ANKS1B: variants seen among roughly 807,000 people sequenced by gnomAD.
The protein encoded by ANKS1B is ankyrin repeat and sterile alpha motif domain-containing protein 1B.
In ANKS1B, 36 loss-of-function variants were observed where a neutral mutation model predicts 148.3. The observed-to-expected ratio is 0.24, with a 90% CI of 0.19 to 0.32. The LOEUF (loss-of-function observed/expected upper bound fraction) is 0.32, where lower values mean the gene tolerates loss of function less well. ANKS1B is among the 10% of genes least tolerant of loss of function. ANKS1B has a pLI of 1.00. For synonymous variants in ANKS1B, 542 were observed against 560.8 expected, an observed-to-expected ratio of 0.97 and a Z score of 0.47; for missense variants, 1,157 against 1,542.6, an observed-to-expected ratio of 0.75 and a Z score of 4.19.
chr12:99,775,690 A>G (rs2063581921), intron 6 of ANKS1B, 29 bp from the exon 7 acceptor site: 2 of 1,234,832 alleles, frequency 1.6e-6, no homozygotes, highest in East Asian at 4.7e-5. Context: ...GAGATTACAT[A>G]CTTGAATTCA....
intron 17 of ANKS1B, among the ~76,000 whole-genome samples, chr12:98,858,035 A>C (rs1315294928): frequency 6.6e-6 from 1 of 152,196 alleles, no homozygotes; most frequent in Non-Finnish European, 1.5e-5. Flanking sequence ...TTTTAGTTTT[A>C]CTCAGGTTCC....
At chr12:99,734,193 TCAAATGA>T (rs2059414175) in intron 8 of ANKS1B, among the ~76,000 whole-genome samples, 1 of 152,162 alleles carries the variant, frequency 6.6e-6, no homozygotes, top group African/African-American at 2.4e-5. Context: ...CTCTTGTGTC[TCAAATGA>T]CTAATTCTAC....
intron 12 of ANKS1B, among the ~76,000 whole-genome samples, chr12:99,295,840 T>C (rs772224952): frequency 1.3e-5 from 2 of 152,196 alleles, no homozygotes; most frequent in Admixed American, 1.3e-4. Context: ...CTCCCACTTA[T>C]AAGTGAGTAC....
chr12:99,650,280 TAC>T (rs768453456), intron 9 of ANKS1B, among the ~76,000 whole-genome samples: 13 of 89,470 alleles, frequency 1.5e-4, no homozygotes, highest in Non-Finnish European at 3.7e-4. Context: ...AACCCAGGAA[TAC>T]ACACACACAG....
chr12:99,799,554 G>A (rs1049991281), intron 4 of ANKS1B, among the ~76,000 whole-genome samples: 10 of 152,260 alleles, frequency 6.6e-5, no homozygotes, highest in Non-Finnish European at 1.2e-4. Context: ...TCCTCCTGGA[G>A]CATAGTGCCT....
At chr12:99,563,467 A>T (rs2097358121) in intron 9 of ANKS1B, among the ~76,000 whole-genome samples, 1 of 152,092 alleles carries the variant, frequency 6.6e-6, no homozygotes, top group Non-Finnish European at 1.5e-5. Flanking sequence ...TGAGGAGAGG[A>T]AGAGAAATAG....
chr12:98,990,050 AAG>A (rs1242806970), intron 17 of ANKS1B, among the ~76,000 whole-genome samples: 1 of 152,126 alleles, frequency 6.6e-6, no homozygotes, highest in Non-Finnish European at 1.5e-5. Flanking sequence ...AAGAAAAAGA[AAG>A]AAAGTCATTG....
chr12:99,938,219 T>TGCAGGACGATTCTAGTTGCTGAA (rs1185349453), intron 1 of ANKS1B, among the ~76,000 whole-genome samples: 6 of 152,332 alleles, frequency 3.9e-5, no homozygotes, highest in Middle Eastern at 3.4e-3. Flanking sequence ...GGCCAGGAAC[T>TGCAGGACGATTCTAGTTGCTGAA]GCAGGACGAT....
intron 14 of ANKS1B, among the ~76,000 whole-genome samples, chr12:99,171,015 G>C (rs1245222547): frequency 1.3e-5 from 2 of 152,144 alleles, no homozygotes; most frequent in Non-Finnish European, 2.9e-5. Flanking sequence ...GCCCACATTG[G>C]GGAAAGAAAC....
chr12:99,908,892 C>T (rs1204106489), intron 1 of ANKS1B, among the ~76,000 whole-genome samples: 4 of 152,018 alleles, frequency 2.6e-5, no homozygotes, highest in Non-Finnish European at 4.4e-5. Flanking sequence ...TTCTAGTATA[C>T]GATGTGATAT....
At chr12:99,120,293 AT>A (rs1398735060) in intron 15 of ANKS1B, among the ~76,000 whole-genome samples, 3 of 152,008 alleles carry the variant, frequency 2.0e-5, no homozygotes, top group Non-Finnish European at 2.9e-5. Flanking sequence ...CTGGGAGTCA[AT>A]TTTTTTTCTT....
intron 19 of ANKS1B, among the ~76,000 whole-genome samples, chr12:98,811,628 G>A (rs1220914280): frequency 6.6e-6 from 1 of 152,192 alleles, no homozygotes; most frequent in Non-Finnish European, 1.5e-5. Flanking sequence ...TCATGGCAAA[G>A]GAGGAAAAGC....
At chr12:99,219,244 A>G (rs534763215) in intron 14 of ANKS1B, among the ~76,000 whole-genome samples, 6 of 152,296 alleles carry the variant, frequency 3.9e-5, no homozygotes, top group South Asian at 2.1e-4. Context: ...AAAACTTGCA[A>G]TTATAAATTA....
chr12:99,186,687 A>G (rs1198490719), intron 14 of ANKS1B, among the ~76,000 whole-genome samples: 1 of 152,154 alleles, frequency 6.6e-6, no homozygotes, highest in Non-Finnish European at 1.5e-5. Context: ...AGAAAGGAAT[A>G]GTATCAACAT....
chr12:99,829,413 G>A (rs746102223), intron 1 of ANKS1B, among the ~76,000 whole-genome samples: 5 of 152,116 alleles, frequency 3.3e-5, no homozygotes, highest in African/African-American at 7.2e-5. Context: ...CACTTTGGGA[G>A]GCTGAGTAGG....
At chr12:99,608,813 T>A (rs1039069283) in intron 9 of ANKS1B, among the ~76,000 whole-genome samples, 2 of 152,052 alleles carry the variant, frequency 1.3e-5, no homozygotes, top group African/African-American at 4.8e-5. Flanking sequence ...TATGTATGAT[T>A]ACCAGAATGC....
At chr12:98,737,768 T>A (rs1008423876) in intron 9 of ANKS1B, among the ~76,000 whole-genome samples, 5 of 152,262 alleles carry the variant, frequency 3.3e-5, no homozygotes, top group African/African-American at 4.8e-5. Context: ...AGTAAAACTT[T>A]ACTTGGACAA....
intron 1 of ANKS1B, among the ~76,000 whole-genome samples, chr12:99,981,826 C>A (rs112273856): frequency 3.3e-5 from 5 of 152,126 alleles, no homozygotes; most frequent in East Asian, 1.9e-4. Flanking sequence ...ATAAAGCAAG[C>A]GGGGAAAAAG....
chr12:99,542,945 T>C (rs775793532), intron 9 of ANKS1B, among the ~76,000 whole-genome samples: 1 of 152,034 alleles, frequency 6.6e-6, no homozygotes, highest in Non-Finnish European at 1.5e-5. Context: ...TTCTTAGATA[T>C]AACACCAAAA....
Sources: gnomAD v4.1 joint callset for allele counts (sites outside exome capture counted in the v4.1 genomes callset) on GRCh38, gnomAD v4.1.1 for gene constraint, MANE v1.5 for transcripts, NCBI Gene and HGNC (gene_info 2026-07-23, HGNC 2026-07-21) for gene names.